METTL8: variants seen among roughly 807,000 people sequenced by gnomAD.
The protein encoded by METTL8 is methyltransferase 8, tRNA N3-cytidine, also known as tRNA N(3)-cytidine methyltransferase METTL8, mitochondrial.
In METTL8, 32 loss-of-function variants were observed where a neutral mutation model predicts 48.7. The observed-to-expected ratio is 0.66, with a 90% CI of 0.50 to 0.88. The LOEUF (loss-of-function observed/expected upper bound fraction) is 0.88, where lower values mean the gene tolerates loss of function less well. Ranked by LOEUF, METTL8 falls within the 40% of genes least tolerant of loss-of-function variation. The pLI, the probability that METTL8 is intolerant of heterozygous loss-of-function variation, is 0.00. For missense variants in METTL8, 464 were observed against 474.4 expected, an observed-to-expected ratio of 0.98 and a Z score of 0.20; for synonymous variants, 136 against 157.1, an observed-to-expected ratio of 0.87 and a Z score of 1.01.
rs1346261765 is a variant in METTL8 at position 171,337,498 on chromosome 2, C to T, written c.611G>A (p.Gly204Asp). The change falls in exon 5 of 10, where the codon GGT (glycine) becomes GAT (aspartate). Residue 204 changes from glycine to aspartate, a missense_variant. Coordinates refer to ENST00000375258, the MANE Select transcript of METTL8 (RefSeq NM_001321154.2). ...SNATFRILEVGCGAGNSVFPI... is the reference protein window; with the variant it reads ...SNATFRILEVDCGAGNSVFPI... Reference sequence around the variant, plus strand: ...AAACACACTATTTCCAGCTCCACAACCAACCTAAAATCAAAAGAACAAGCA... The same window carrying T: ...AAACACACTATTTCCAGCTCCACAATCAACCTAAAATCAAAAGAACAAGCA... The T allele has an allele frequency of 6.2e-7, 1 of 1,604,748 alleles. No individual in the cohort carries two copies. The highest frequency in any genetic ancestry group is 8.5e-7 in the Non-Finnish European group (1 of 1,175,474).
chr2:171,378,557 G>T (rs549111597), intron 2 of METTL8, among the ~76,000 whole-genome samples: 2 of 152,206 alleles, frequency 1.3e-5, no homozygotes, highest in South Asian at 4.1e-4. Flanking sequence ...GCTTGAACCC[G>T]GGAGGTGGAG....
At chr2:171,394,285 A>T (rs951726628) in intron 1 of METTL8, among the ~76,000 whole-genome samples, 2 of 152,232 alleles carry the variant, frequency 1.3e-5, no homozygotes, top group African/African-American at 4.8e-5. Flanking sequence ...GCTCAAAAGT[A>T]TAAAATGATG....
At chr2:171,326,522 T>C (rs1575711052) in intron 7 of METTL8, 2 of 169,774 alleles carry the variant, frequency 1.2e-5, no homozygotes, top group African/African-American at 4.8e-5. Context: ...CCTTGCAAGA[T>C]AAAAAATATG....
At chr2:171,329,163 G>T (rs1412825522) in intron 7 of METTL8, among the ~76,000 whole-genome samples, 1 of 151,362 alleles carries the variant, frequency 6.6e-6, no homozygotes, top group Non-Finnish European at 1.5e-5. Flanking sequence ...AGGAGGCAGA[G>T]GTTTCACAGT....
chr2:171,419,631 T>TA (rs1691677902), intron 1 of METTL8, among the ~76,000 whole-genome samples: 2 of 152,192 alleles, frequency 1.3e-5, no homozygotes, highest in South Asian at 4.1e-4. Context: ...TTTCCAAAGT[T>TA]ACTCAGGTCA....
chr2:171,316,104 C>T lies in METTL8; in HGVS notation c.*8068G>A, dbSNP rs1241839550. 6.6e-6 allele frequency among the ~76,000 whole-genome samples: 1 copy of T among 152,192 alleles called. No individual in the cohort carries two copies. Among genetic ancestry groups the T allele is most frequent in the African/African-American group, 2.4e-5 (1 of 41,450 alleles). ...TTGCACATGCTTGGAGGAAAAACAA[C>T]ACTATTAAAATGTCTTTTTAAAAGT... is the stretch of plus-strand genomic sequence containing the variant. On this transcript the variant is annotated 3_prime_UTR_variant, in exon 10 of 10. Coordinates refer to ENST00000375258, the MANE Select transcript of METTL8 (RefSeq NM_001321154.2).
At position 171,321,209 on chromosome 2, in the gene METTL8, T is replaced by A. The variant is rs1376639456; in HGVS notation, c.*2963A>T. 1 of 152,182 alleles carries A rather than the reference T, an allele frequency of 6.6e-6. No individual in the cohort carries two copies. The highest frequency in any genetic ancestry group is 2.4e-5 in the African/African-American group (1 of 41,438). 9.4% of individuals were successfully genotyped at this position (152,182 alleles called of 1,614,324 possible). A position where few individuals can be genotyped will look rare whatever the true frequency, so the allele number is the denominator to read the frequency against. ...GTTGGCTGTGACTGGACAGCATCCC[T>A]CCCCTGGTGTTTTTTGACAGCAGTG... is the stretch of plus-strand genomic sequence containing the variant. On this transcript the variant is annotated 3_prime_UTR_variant, in exon 10 of 10. Coordinates refer to ENST00000375258, the MANE Select transcript of METTL8 (RefSeq NM_001321154.2).
Position 171,396,856 on chromosome 2 carries a change from TTTTTTTTTC to T in METTL8, c.-12-4668_-12-4660del, listed in dbSNP as rs527622358. ...TCAATAATCTCAGCTTCTATCTTTT[TTTTTTTTTC>T]TTTTTTGAGACAAGGTCTTGTTCTA... On this transcript the variant is annotated intron_variant, in intron 1 of 9. Coordinates refer to ENST00000375258, the MANE Select transcript of METTL8 (RefSeq NM_001321154.2). 1.4e-3 allele frequency among the ~76,000 whole-genome samples: 212 copies of T among 152,112 alleles called. 4 individuals are homozygous for T. In the East Asian group the frequency reaches 0.015, roughly 11 times the overall value.
intron 1 of METTL8, among the ~76,000 whole-genome samples, chr2:171,432,274 A>G (rs956653471): frequency 1.3e-5 from 2 of 152,164 alleles, no homozygotes; most frequent in African/African-American, 4.8e-5. Context: ...TTAAGAGACT[A>G]CTTAATAATG....
At chr2:171,355,041 C>A (rs190039007) in intron 3 of METTL8, among the ~76,000 whole-genome samples, 4 of 152,282 alleles carry the variant, frequency 2.6e-5, no homozygotes, top group African/African-American at 9.6e-5. Context: ...GGAGAAGAGG[C>A]GCTCTGATTT....
intron 2 of METTL8, among the ~76,000 whole-genome samples, chr2:171,388,468 T>C (rs1688284331): frequency 6.6e-6 from 1 of 152,234 alleles, no homozygotes; most frequent in South Asian, 2.1e-4. Context: ...CAAACTATCC[T>C]ATCCTCTATC....
chr2:171,423,553 G>A (rs984813842), intron 1 of METTL8, among the ~76,000 whole-genome samples: 3 of 152,110 alleles, frequency 2.0e-5, no homozygotes, highest in African/African-American at 7.2e-5. Flanking sequence ...CCCACCTGAG[G>A]TCATCTCAGA....
chr2:171,356,337 C>T (rs1684536518), intron 3 of METTL8, among the ~76,000 whole-genome samples: 1 of 152,160 alleles, frequency 6.6e-6, no homozygotes, highest in African/African-American at 2.4e-5. Context: ...TAGGGTTTCA[C>T]CATGTTGGCC....
chr2:171,408,338 A>G (rs1574175519), intron 1 of METTL8, among the ~76,000 whole-genome samples: 1 of 142,546 alleles, frequency 7.0e-6, no homozygotes, highest in Admixed American at 7.3e-5. Flanking sequence ...CTTGTTCCCC[A>G]GGCTGGAGTG....
rs141235701 is a variant in METTL8, at chr2:171,359,671, G to C, written c.235+751C>G. 6.6e-3 allele frequency among the ~76,000 whole-genome samples: 1,008 copies of C among 151,896 alleles called. 6 individuals are homozygous for C. The highest frequency in any genetic ancestry group is 0.023 in the African/African-American group (955 of 41,436). On this transcript the variant is annotated intron_variant, in intron 3 of 9. Coordinates refer to ENST00000375258, the MANE Select transcript of METTL8 (RefSeq NM_001321154.2). The stretch of plus-strand genomic sequence containing the variant: ...CTCTGTCGCCAGGCTGGAGTACAGT[G>C]GTGTGATCTCGGCTCACTGCAACCT...
intron 1 of METTL8, among the ~76,000 whole-genome samples, chr2:171,395,438 C>T (rs1688964444): frequency 6.6e-6 from 1 of 151,968 alleles, no homozygotes; most frequent in Admixed American, 6.6e-5. Flanking sequence ...AAGTAAGACC[C>T]AGCAATATAC....
rs147622323 is a variant in METTL8 at position 171,382,762 on chromosome 2, A to C, written c.143+9281T>G. On this transcript the variant is annotated intron_variant, in intron 2 of 9. Transcript: ENST00000375258. ...GAAAAAAAGAAAAGAAAACTACAAAAAAACAAACAAACAAAAAACACACAT... is the reference window on the plus strand; with the variant it reads ...GAAAAAAAGAAAAGAAAACTACAAACAAACAAACAAACAAAAAACACACAT... Among the ~76,000 whole-genome samples, 213 of 152,216 alleles carry C rather than the reference A, an allele frequency of 1.4e-3. 4 individuals are homozygous for C. The East Asian group carries it at 0.014, about 10-fold the overall frequency.
intron 1 of METTL8, among the ~76,000 whole-genome samples, chr2:171,402,653 A>G (rs1469389705): frequency 6.6e-6 from 1 of 152,168 alleles, no homozygotes; most frequent in African/African-American, 2.4e-5. Context: ...GAGAGGGCCT[A>G]GAAGTCATCA....
intron 1 of METTL8, among the ~76,000 whole-genome samples, chr2:171,427,204 A>G (rs1179312101): frequency 6.6e-6 from 1 of 152,156 alleles, no homozygotes; most frequent in Non-Finnish European, 1.5e-5. Flanking sequence ...TACTTCCAAA[A>G]TACATCTTGA....
Sources: allele counts gnomAD v4.1 joint callset (sites outside exome capture counted in the v4.1 genomes callset), GRCh38; gene constraint gnomAD v4.1.1; transcripts MANE v1.5; gene names NCBI Gene and HGNC (gene_info 2026-07-23, HGNC 2026-07-21).